Variants in DPP6 observed in about 807,000 individuals in gnomAD.
DPP6 encodes A-type potassium channel modulatory protein DPP6.
Under a neutral mutation model 122.6 loss-of-function variants are expected in DPP6, and 69 were observed. That is an observed-to-expected ratio of 0.56 (90% confidence interval 0.46 to 0.69). DPP6 has a LOEUF of 0.69. Ranked by LOEUF, DPP6 falls within the 30% of genes least tolerant of loss-of-function variation. The pLI is 0.00. For missense variants in DPP6, 928 were observed against 1,116.9 expected (o/e 0.83, Z 2.41); for synonymous variants, 418 against 433.1 (o/e 0.97, Z 0.43).
intron 1 of DPP6, among the ~76,000 whole-genome samples, chr7:153,933,077 C>T (rs1801248324): frequency 6.6e-6 from 1 of 152,168 alleles, no homozygotes; most frequent in Non-Finnish European, 1.5e-5. Context: ...GATTTTGAGG[C>T]CCCCTCAGCC....
At chr7:154,650,315 C>A (rs1303566826) in intron 6 of DPP6, among the ~76,000 whole-genome samples, 1 of 149,108 alleles carries the variant, frequency 6.7e-6, no homozygotes, top group East Asian at 2.0e-4. Flanking sequence ...ACAAAGCAAG[C>A]AAGAAGAGAG....
chr7:153,973,751 A>T (rs913440158), intron 1 of DPP6, among the ~76,000 whole-genome samples: 4 of 149,948 alleles, frequency 2.7e-5, no homozygotes, highest in African/African-American at 7.5e-5. Context: ...TCTTCTGAGG[A>T]TTCTTCCTGG....
At chr7:154,088,637 T>A (rs1216915909) in intron 1 of DPP6, among the ~76,000 whole-genome samples, 1 of 148,276 alleles carries the variant, frequency 6.7e-6, no homozygotes, top group Non-Finnish European at 1.5e-5. Context: ...CAGTTGAGTC[T>A]CAGTGTGAGA....
intron 1 of DPP6, among the ~76,000 whole-genome samples, chr7:154,213,893 C>G (rs1167995423): frequency 6.6e-6 from 1 of 152,202 alleles, no homozygotes; most frequent in Non-Finnish European, 1.5e-5. Flanking sequence ...GACAACTTCC[C>G]AGCCAGCGGC....
chr7:154,437,270 G>A (rs187524644), intron 1 of DPP6, among the ~76,000 whole-genome samples: 56 of 152,268 alleles, frequency 3.7e-4, no homozygotes, highest in Non-Finnish European at 6.9e-4. Context: ...TGTTTAACAT[G>A]GATCTAATGA....
At position 154,288,473 on chromosome 7, in the gene DPP6, G is replaced by A. The variant is rs548428801; in HGVS notation, c.244-157741G>A. ...TGACCAGCTGTGTGACCTCAGACCAGGAGTGCAATCTCTCTGCACATCTGA... is the reference window on the plus strand; with the variant it reads ...TGACCAGCTGTGTGACCTCAGACCAAGAGTGCAATCTCTCTGCACATCTGA... On this transcript the variant is annotated intron_variant, in intron 1 of 25. Transcript: ENST00000377770. 2.1e-4 allele frequency among the ~76,000 whole-genome samples: 32 copies of A among 152,332 alleles called. 1 individual carries two copies. In the South Asian group the frequency reaches 6.2e-3, roughly 30 times the overall value.
chr7:154,273,607 A>G (rs948207148), intron 1 of DPP6, among the ~76,000 whole-genome samples: 2 of 152,150 alleles, frequency 1.3e-5, no homozygotes, highest in African/African-American at 4.8e-5. Flanking sequence ...AAAACAATTC[A>G]CGTTCTGTAG....
Position 154,747,059 on chromosome 7 carries a change from G to C in DPP6, c.883+19172G>C, listed in dbSNP as rs139187394. Among the ~76,000 whole-genome samples, 775 of 152,226 alleles carry C rather than the reference G, an allele frequency of 5.1e-3. 11 individuals are homozygous for C. Among genetic ancestry groups the C allele is most frequent in the Admixed American group, 0.026 (404 of 15,284 alleles). Reference sequence around the variant, plus strand: ...ACATTGGAGGAAGGCAGCATGAAAGGGAAAGAAAATCCTGGTTTTCAGAAA... The same window carrying C: ...ACATTGGAGGAAGGCAGCATGAAAGCGAAAGAAAATCCTGGTTTTCAGAAA... On this transcript the variant is annotated intron_variant, in intron 8 of 25. Transcript: ENST00000377770.
intron 5 of DPP6, among the ~76,000 whole-genome samples, chr7:154,572,884 TG>T (rs1831217815): frequency 6.6e-6 from 1 of 151,732 alleles, no homozygotes; most frequent in Non-Finnish European, 1.5e-5. Context: ...TTCACCATGT[TG>T]GTTAGGCTGG....
rs1295477846 is a variant in DPP6, at chr7:154,602,623, G to T, written c.628-35198G>T. Among the ~76,000 whole-genome samples, 5 of 119,186 alleles carry T rather than the reference G, an allele frequency of 4.2e-5. 1 individual carries two copies. Among genetic ancestry groups the T allele is most frequent in the Non-Finnish European group, 5.6e-5 (3 of 53,164 alleles). 78.2% of individuals were successfully genotyped at this position (119,186 alleles called of 152,430 possible). On this transcript the variant is annotated intron_variant, in intron 5 of 25. Coordinates refer to ENST00000377770, the MANE Select transcript of DPP6 (RefSeq NM_130797.4). Reference sequence around the variant, plus strand: ...GTGTGTGTGTTTTTGTAGAGACAGGGTTTCACCATGTTGACCAGACTGGTC... The same window carrying T: ...GTGTGTGTGTTTTTGTAGAGACAGGTTTTCACCATGTTGACCAGACTGGTC...
At chr7:153,767,511 G>A in the DPP6 span, among the ~76,000 whole-genome samples, 1 of 149,934 alleles carries the variant, frequency 6.7e-6, no homozygotes. Flanking sequence ...GGGATTACAG[G>A]TGCCTACCAT....
At chr7:153,930,747 G>C (rs1801134442) in intron 1 of DPP6, among the ~76,000 whole-genome samples, 1 of 152,188 alleles carries the variant, frequency 6.6e-6, no homozygotes, top group African/African-American at 2.4e-5. Flanking sequence ...AGACAGTTCA[G>C]GGAGGCAGAG....
upstream of DPP6, among the ~76,000 whole-genome samples, chr7:154,049,357 A>G (rs368322054): frequency 0.078 from 10,050 of 129,328 alleles, 84 homozygotes; most frequent in Non-Finnish European, 0.1. Flanking sequence ...GTGATTAGAG[A>G]CAAGAATTGA....
At chr7:154,500,081 A>G (rs1274504222) in intron 3 of DPP6, among the ~76,000 whole-genome samples, 1 of 152,184 alleles carries the variant, frequency 6.6e-6, no homozygotes, top group Non-Finnish European at 1.5e-5. Flanking sequence ...CTAGAGACTC[A>G]GTTCCCGTGG....
chr7:154,420,248 A>C (rs1425574339), intron 1 of DPP6, among the ~76,000 whole-genome samples: 2 of 152,170 alleles, frequency 1.3e-5, no homozygotes, highest in Non-Finnish European at 2.9e-5. Flanking sequence ...GAGGCAGAGA[A>C]TTGCTTGAAC....
At chr7:154,633,451 G>A (rs1445807476) in intron 5 of DPP6, among the ~76,000 whole-genome samples, 2 of 152,076 alleles carry the variant, frequency 1.3e-5, no homozygotes, top group African/African-American at 4.8e-5. Context: ...GACTAGGCTG[G>A]TCTTGAACTC....
chr7:154,832,661 C>G (rs1489472497), intron 16 of DPP6, among the ~76,000 whole-genome samples: 1 of 152,264 alleles, frequency 6.6e-6, no homozygotes, highest in African/African-American at 2.4e-5. Context: ...GCGCTCTGCC[C>G]TCTCCTGTGC....
intron 1 of DPP6, among the ~76,000 whole-genome samples, chr7:154,119,438 T>G (rs1406495538): frequency 1.3e-5 from 2 of 151,894 alleles, no homozygotes; most frequent in East Asian, 3.9e-4. Flanking sequence ...AAGGAAATCT[T>G]GACGTGAAAA....
At chr7:153,775,993 T>A in the DPP6 span, among the ~76,000 whole-genome samples, 2 of 152,156 alleles carry the variant, frequency 1.3e-5, no homozygotes, top group Non-Finnish European at 2.9e-5. Flanking sequence ...ATGTCAATTA[T>A]CCCCAACGTT....
Sources: allele counts gnomAD v4.1 joint callset (sites outside exome capture counted in the v4.1 genomes callset), GRCh38; gene constraint gnomAD v4.1.1; transcripts MANE v1.5; gene names NCBI Gene and HGNC (gene_info 2026-07-23, HGNC 2026-07-21).